COL23A1: variants seen among roughly 807,000 people sequenced by gnomAD.
COL23A1 encodes collagen type XXIII alpha 1 chain, also known as collagen alpha-1(XXIII) chain.
COL23A1 carries 97 observed loss-of-function variants against 99.3 expected under a neutral mutation model. The observed-to-expected ratio is 0.98, with a 90% CI of 0.83 to 1.16. The LOEUF (loss-of-function observed/expected upper bound fraction) is 1.16, where lower values mean the gene tolerates loss of function less well. COL23A1 is among the 50% of genes most tolerant of loss of function. The pLI is 0.00. For synonymous variants in COL23A1, 320 were observed against 308.2 expected (o/e 1.04, Z -0.40); for missense variants, 762 against 757.4 (o/e 1.01, Z -0.07).
chr5:178,572,072 C>CAAAACAAAAAAAA (rs762501300), intron 1 of COL23A1, among the ~76,000 whole-genome samples: 4 of 109,486 alleles, frequency 3.7e-5, no homozygotes, highest in South Asian at 3.0e-4. Context: ...TTTCTCAAAA[C>CAAAACAAAAAAAA]AAAAAAAAAA....
chr5:178,271,413 GCT>G (rs1310047181), intron 5 of COL23A1, among the ~76,000 whole-genome samples: 1 of 152,176 alleles, frequency 6.6e-6, no homozygotes, highest in Non-Finnish European at 1.5e-5. Context: ...TCCATCTTCA[GCT>G]CAGTTACCTC....
intron 1 of COL23A1, among the ~76,000 whole-genome samples, chr5:178,587,407 C>T (rs1764058483): frequency 6.6e-6 from 1 of 152,134 alleles, no homozygotes; most frequent in South Asian, 2.1e-4. Context: ...GTTCTGTTCC[C>T]AAGGGAACAA....
Position 178,324,457 on chromosome 5 carries a change from C to T in COL23A1, c.362-17538G>A, listed in dbSNP as rs551835439. Among the ~76,000 whole-genome samples the T allele has an allele frequency of 3.0e-4, 46 of 152,232 alleles. No homozygotes were observed. The South Asian group carries it at 3.1e-3, about 10-fold the overall frequency. On this transcript the variant is annotated intron_variant, in intron 2 of 28. Coordinates refer to ENST00000390654, the MANE Select transcript of COL23A1 (RefSeq NM_173465.4). ...GGAGACCCATTCTGGGTTCATCAAC[C>T]GCCGGCGAGGATTTCTACTACAATG... is the stretch of plus-strand genomic sequence containing the variant.
chr5:178,403,431 G>A (rs1375352098), intron 2 of COL23A1, among the ~76,000 whole-genome samples: 1 of 152,092 alleles, frequency 6.6e-6, no homozygotes, highest in Non-Finnish European at 1.5e-5. Context: ...AGTTTCAAAC[G>A]CGTTATCTCC....
intron 2 of COL23A1, among the ~76,000 whole-genome samples, chr5:178,435,075 A>C (rs1766483953): frequency 6.6e-6 from 1 of 152,206 alleles, no homozygotes; most frequent in African/African-American, 2.4e-5. Flanking sequence ...CTTTTCGTCT[A>C]TTCCTGGCTC....
intron 3 of COL23A1, among the ~76,000 whole-genome samples, chr5:178,305,259 G>A (rs1049713754): frequency 2.6e-5 from 4 of 152,158 alleles, no homozygotes; most frequent in South Asian, 2.1e-4. Flanking sequence ...GCTTCTTGCC[G>A]GTGAGCGCTA....
intron 2 of COL23A1, among the ~76,000 whole-genome samples, chr5:178,356,294 T>G (rs552252537): frequency 1.5e-4 from 23 of 152,264 alleles, no homozygotes; most frequent in African/African-American, 5.5e-4. Flanking sequence ...GCTGCACAAT[T>G]CTGAACACAC....
rs958397993 is a variant in COL23A1, at chr5:178,415,450, G to C, written c.362-108531C>G. ...TCTTTCTCCCCGGGCCCGGGCCCTG[G>C]AGCACGGCTCACCCTGCTGCCTCTC... On this transcript the variant is annotated intron_variant, in intron 2 of 28. Coordinates refer to ENST00000390654, the MANE Select transcript of COL23A1 (RefSeq NM_173465.4). The surrounding 1 kb of genome is among the most constrained non-coding windows in gnomAD (Gnocchi z 4.6). 1.1e-4 allele frequency among the ~76,000 whole-genome samples: 17 copies of C among 152,200 alleles called. No homozygotes were observed. The highest frequency in any genetic ancestry group is 6.5e-4 in the Admixed American group (10 of 15,292).
At chr5:178,333,057 A>C (rs1363705052) in intron 2 of COL23A1, among the ~76,000 whole-genome samples, 1 of 152,044 alleles carries the variant, frequency 6.6e-6, no homozygotes, top group Non-Finnish European at 1.5e-5. Flanking sequence ...CTCCGAGTTC[A>C]AGCGATTCTC....
chr5:178,299,138 G>C (rs1316732866), intron 3 of COL23A1, among the ~76,000 whole-genome samples: 3 of 152,180 alleles, frequency 2.0e-5, no homozygotes, highest in Non-Finnish European at 4.4e-5. Flanking sequence ...TCTTTGTCTA[G>C]TTTTGGTATC....
chr5:178,259,638 T>TC, intron 12 of COL23A1, 83 bp downstream of exon 12: 1 of 461,688 alleles, frequency 2.2e-6, no homozygotes, highest in Non-Finnish European at 4.3e-6. Context: ...CCCATCCCCA[T>TC]CCCCATTCCG....
intron 2 of COL23A1, among the ~76,000 whole-genome samples, chr5:178,392,293 C>T (rs148693454): frequency 3.2e-4 from 49 of 152,172 alleles, no homozygotes; most frequent in African/African-American, 1.1e-3. Context: ...TGGCTGAGCC[C>T]GCACGGACGC....
At chr5:178,525,921 G>GAAC (rs1220460738) in intron 2 of COL23A1, among the ~76,000 whole-genome samples, 1 of 152,262 alleles carries the variant, frequency 6.6e-6, no homozygotes, top group Admixed American at 6.5e-5. Flanking sequence ...GCTGCCTTAG[G>GAAC]AACACAGGCC....
rs1194648246 is a variant in COL23A1, at chr5:178,434,836, G to A, written c.361+125846C>T. Among the ~76,000 whole-genome samples the A allele has an allele frequency of 6.6e-6, 1 of 152,228 alleles. No individual in the cohort carries two copies. The highest frequency in any genetic ancestry group is 2.4e-5 in the African/African-American group (1 of 41,460). ...TAATGGAGATGGGATTCCAGCTCAG[G>A]GCTGGTTTCAAAGCCTCTGCCCGCT... On this transcript the variant is annotated intron_variant, in intron 2 of 28. Transcript: ENST00000390654. The surrounding 1 kb of genome is among the most constrained non-coding windows in gnomAD (Gnocchi z 4.3).
chr5:178,551,669 C>T (rs1762010647), intron 2 of COL23A1, among the ~76,000 whole-genome samples: 1 of 152,158 alleles, frequency 6.6e-6, no homozygotes, highest in African/African-American at 2.4e-5. Context: ...TTCGACAGGG[C>T]GTTATCAACC....
intron 2 of COL23A1, among the ~76,000 whole-genome samples, chr5:178,449,478 C>T (rs559486619): frequency 2.0e-5 from 3 of 152,300 alleles, no homozygotes; most frequent in South Asian, 4.1e-4. Flanking sequence ...CCGACAGCAA[C>T]GACGCTGTCC....
chr5:178,544,942 T>C lies in COL23A1; in HGVS notation c.361+15740A>G, dbSNP rs1761500940. Among the ~76,000 whole-genome samples the C allele has an allele frequency of 6.6e-6, 1 of 152,084 alleles. No homozygotes were observed. Among genetic ancestry groups the C allele is most frequent in the Middle Eastern group, 3.4e-3 (1 of 294 alleles). On this transcript the variant is annotated intron_variant, in intron 2 of 28. Coordinates refer to ENST00000390654, the MANE Select transcript of COL23A1 (RefSeq NM_173465.4). This position sits in a 1 kb window ranked among gnomAD's most constrained non-coding sequence, Gnocchi z 4.4. ...CAAAAAAAGAAAAATTAACAAAATT[T>C]AGCCAGGTGTGGTGGCACGTGCCTG... is the stretch of plus-strand genomic sequence containing the variant.
In COL23A1 at chr5:178,585,729, T is replaced by TGGTTGGCGCTGGGGTAATG. The variant is rs1562115562; in HGVS notation, c.294+4174_294+4175insCATTACCCCAGCGCCAACC. On this transcript the variant is annotated intron_variant, in intron 1 of 28. Transcript: ENST00000390654. ...GCCCTGGATGGCGCTGGGGTAACAC[T>TGGTTGGCGCTGGGGTAATG]CCACAGCCCTGGCTGACCCTGTTGG... 2.1e-3 allele frequency among the ~76,000 whole-genome samples: 23 copies of TGGTTGGCGCTGGGGTAATG among 10,994 alleles called. 1 individual carries two copies. The highest frequency in any genetic ancestry group is 3.3e-3 in the African/African-American group (11 of 3,336). 7.2% of individuals were successfully genotyped at this position (10,994 alleles called of 152,430 possible).
chr5:178,356,205 C>T (rs759462158), intron 2 of COL23A1, among the ~76,000 whole-genome samples: 2 of 151,692 alleles, frequency 1.3e-5, no homozygotes, highest in African/African-American at 4.8e-5. Context: ...CCTGGGGTTG[C>T]GGAGGGGAGG....
Sources: allele counts gnomAD v4.1 joint callset (sites outside exome capture counted in the v4.1 genomes callset), GRCh38; gene constraint gnomAD v4.1.1; non-coding constraint Gnocchi (gnomAD v3.1); transcripts MANE v1.5; gene names NCBI Gene and HGNC (gene_info 2026-07-23, HGNC 2026-07-21).